ITSN1: variants seen among roughly 807,000 people sequenced by gnomAD.
The protein encoded by ITSN1 is intersectin-1.
ITSN1 carries 58 observed loss-of-function variants against 239.8 expected under a neutral mutation model. That is an observed-to-expected ratio of 0.24 (90% confidence interval 0.20 to 0.30). ITSN1 has a LOEUF of 0.30. Ranked by LOEUF, ITSN1 falls within the 10% of genes least tolerant of loss-of-function variation. The pLI is 1.00. For synonymous variants in ITSN1, 780 were observed against 770.8 expected (o/e 1.01, Z -0.20); for missense variants, 1,558 against 2,103.3 (o/e 0.74, Z 5.07).
At chr21:33,684,818 A>G (rs1318176884) in intron 1 of ITSN1, among the ~76,000 whole-genome samples, 3 of 152,216 alleles carry the variant, frequency 2.0e-5, no homozygotes, top group African/African-American at 7.2e-5. Flanking sequence ...GAGTAATTGT[A>G]ATTGTTTTAT....
intron 1 of ITSN1, among the ~76,000 whole-genome samples, chr21:33,715,681 G>C (rs1488636869): frequency 6.6e-6 from 1 of 152,202 alleles, no homozygotes; most frequent in African/African-American, 2.4e-5. Context: ...CAAACCTCTG[G>C]TTAAATATGG....
chr21:33,819,543 A>G (rs2834265), intron 24 of ITSN1, among the ~76,000 whole-genome samples: 14,354 of 152,260 alleles, frequency 0.094, 1,028 homozygotes, highest in East Asian at 0.29. Flanking sequence ...ATTATATTTT[A>G]TTATAAGCCC....
rs564648130 is a variant in ITSN1, at chr21:33,777,822, C to A, written c.1596+2714C>A. On this transcript the variant is annotated intron_variant, in intron 14 of 39. Transcript: ENST00000381318. ...CCTTTGTGTGTCTTACTTTGTTGACCAGAACCTCCCATACTATATTGGATA... is the reference window on the plus strand; with the variant it reads ...CCTTTGTGTGTCTTACTTTGTTGACAAGAACCTCCCATACTATATTGGATA... 1.1e-4 allele frequency among the ~76,000 whole-genome samples: 16 copies of A among 152,162 alleles called. No individual in the cohort carries two copies. The South Asian group carries it at 3.3e-3, about 32-fold the overall frequency.
intron 1 of ITSN1, among the ~76,000 whole-genome samples, chr21:33,644,171 T>C (rs1175862334): frequency 2.0e-5 from 3 of 152,260 alleles, no homozygotes; most frequent in Non-Finnish European, 2.9e-5. Context: ...GAACAAAATA[T>C]GTTTCTGTTT....
At chr21:33,806,317 C>T (rs967023281) in intron 20 of ITSN1, among the ~76,000 whole-genome samples, 7 of 152,218 alleles carry the variant, frequency 4.6e-5, no homozygotes, top group African/African-American at 1.7e-4. Context: ...CTCCTCAACA[C>T]ATCCCATGCA....
At chr21:33,861,807 G>A (rs1240804072) in intron 31 of ITSN1, among the ~76,000 whole-genome samples, 4 of 152,000 alleles carry the variant, frequency 2.6e-5, no homozygotes, top group African/African-American at 7.2e-5. Flanking sequence ...ATAGCCAGGC[G>A]TGGTGGCGGG....
intron 1 of ITSN1, among the ~76,000 whole-genome samples, chr21:33,714,069 A>G (rs1222555682): frequency 2.0e-5 from 3 of 151,860 alleles, no homozygotes; most frequent in Non-Finnish European, 4.4e-5. Context: ...TGACCTCGTG[A>G]TCCACCCGCC....
chr21:33,837,320 A>T, intron 29 of ITSN1: 1 of 1,077,412 alleles, frequency 9.3e-7, no homozygotes, highest in Non-Finnish European at 1.1e-6. Context: ...ATAGTTTTAA[A>T]ATTATTTTTA....
At position 33,834,545 on chromosome 21, in the gene ITSN1, C is replaced by T. The variant is rs900262022; in HGVS notation, c.3469+121C>T. 2.8e-5 allele frequency: 20 copies of T among 706,304 alleles called. No homozygotes were observed. The African/African-American group carries it at 3.4e-4, about 12-fold the overall frequency. 43.8% of individuals were successfully genotyped at this position (706,304 alleles called of 1,614,324 possible). ...CATGTGCTTTAAAGCACTTCCTGTA[C>T]TTGCTGGGACTGACACCCAACTAAT... On this transcript the variant is annotated intron_variant, in intron 28 of 39. Transcript: ENST00000381318.
At chr21:33,880,970 C>T (rs73900391) in intron 34 of ITSN1, among the ~76,000 whole-genome samples, 18,220 of 151,754 alleles carry the variant, frequency 0.12, 1,199 homozygotes, top group African/African-American at 0.16. Flanking sequence ...GTGTTAGAGC[C>T]GCGTTTCAGC....
chr21:33,838,956 T>C (rs1569287600), intron 29 of ITSN1, among the ~76,000 whole-genome samples: 1 of 152,200 alleles, frequency 6.6e-6, no homozygotes, highest in East Asian at 1.9e-4. Context: ...TGGCACACTT[T>C]GCAGAAATAA....
rs369320298 is a variant in ITSN1, at chr21:33,888,348, C to T, written c.*48C>T. ...AGCAGGGTCCCAGCCCACGGCCACA[C>T]ATGCTGTCTGGAAATTGTATTCCTT... On this transcript the variant is annotated 3_prime_UTR_variant, in exon 40 of 40. Coordinates refer to ENST00000381318, the MANE Select transcript of ITSN1 (RefSeq NM_003024.3). 6.5e-7 allele frequency: 1 copy of T among 1,541,688 alleles called. No individual in the cohort carries two copies. The highest frequency in any genetic ancestry group is 1.4e-5 in the African/African-American group (1 of 72,700).
intron 1 of ITSN1, among the ~76,000 whole-genome samples, chr21:33,659,303 C>T (rs2089354897): frequency 6.6e-6 from 1 of 152,176 alleles, no homozygotes; most frequent in Non-Finnish European, 1.5e-5. Flanking sequence ...TGAGTCTCTT[C>T]CATTTGGCTG....
chr21:33,682,513 A>G (rs1401951640), intron 1 of ITSN1, among the ~76,000 whole-genome samples: 1 of 149,312 alleles, frequency 6.7e-6, no homozygotes, highest in African/African-American at 2.5e-5. Flanking sequence ...CATAGTGCCC[A>G]GCCTCTTTCT....
intron 8 of ITSN1, among the ~76,000 whole-genome samples, chr21:33,758,064 T>G (rs2068046400): frequency 6.6e-6 from 1 of 152,008 alleles, no homozygotes. Context: ...TAAAAAAGTT[T>G]TCTTTAGAGG....
At chr21:33,796,315 C>T (rs2071559452) in intron 17 of ITSN1, among the ~76,000 whole-genome samples, 1 of 152,054 alleles carries the variant, frequency 6.6e-6, no homozygotes, top group Non-Finnish European at 1.5e-5. Context: ...TAACCATATC[C>T]TTACCCCTCC....
At chr21:33,887,282 A>G (rs1305903613) in intron 39 of ITSN1, among the ~76,000 whole-genome samples, 3 of 151,346 alleles carry the variant, frequency 2.0e-5, no homozygotes, top group Non-Finnish European at 4.4e-5. Flanking sequence ...TGGTACCACT[A>G]TATTCCAGCC....
At chr21:33,760,883 C>T (rs1050711989) in intron 8 of ITSN1, among the ~76,000 whole-genome samples, 5 of 152,156 alleles carry the variant, frequency 3.3e-5, no homozygotes, top group Admixed American at 2.6e-4. Flanking sequence ...ATTTATTTCT[C>T]CCTCTCTGAC....
In ITSN1 at chr21:33,829,690, A is replaced by T. The variant is rs1188656204; in HGVS notation, c.3296A>T (p.Gln1099Leu). The change falls in exon 27 of 40, where the codon CAG (glutamine) becomes CTG (leucine). Residue 1099 changes from glutamine to leucine, a missense_variant. This residue lies in a region of ITSN1 where 576 missense variants were observed against 893.3 expected (regional missense o/e 0.64). Coordinates refer to ENST00000381318, the MANE Select transcript of ITSN1 (RefSeq NM_003024.3). Reference protein sequence around the residue: ...GPEQLTLAPGQLILIRKKNPG... With the variant: ...GPEQLTLAPGLLILIRKKNPG... ...GAGCAGCTCACTCTCGCCCCTGGTC[A>T]GCTGATTTTGATCCGAAAAAAGAAC... 1 of 1,612,998 alleles carries T rather than the reference A, an allele frequency of 6.2e-7. No homozygotes were observed. The highest frequency in any genetic ancestry group is 1.3e-5 in the African/African-American group (1 of 74,898).
Sources: gnomAD v4.1 joint callset for allele counts (sites outside exome capture counted in the v4.1 genomes callset) on GRCh38, gnomAD v4.1.1 for gene constraint, gnomAD v4.1.1 regional missense constraint, MANE v1.5 for transcripts, NCBI Gene and HGNC (gene_info 2026-07-23, HGNC 2026-07-21) for gene names.